DNAI1: variants seen among roughly 807,000 people sequenced by gnomAD.
DNAI1 encodes dynein axonemal intermediate chain 1, also known as dynein, axonemal, intermediate polypeptide 1.
Under a neutral mutation model 92.0 loss-of-function variants are expected in DNAI1, and 67 were observed. The observed-to-expected ratio is 0.73, with a 90% CI of 0.60 to 0.89. The LOEUF (loss-of-function observed/expected upper bound fraction) is 0.89, where lower values mean the gene tolerates loss of function less well. DNAI1 is among the 40% of genes least tolerant of loss of function. DNAI1 has a pLI of 0.00. For missense variants in DNAI1, 839 were observed against 866.6 expected, an observed-to-expected ratio of 0.97 and a Z score of 0.40; for synonymous variants, 323 against 319.6, an observed-to-expected ratio of 1.01 and a Z score of -0.11.
At chr9:34,479,651 T>A (rs1588092685) in intron 1 of DNAI1, among the ~76,000 whole-genome samples, 1 of 152,204 alleles carries the variant, frequency 6.6e-6, no homozygotes, top group African/African-American at 2.4e-5. Flanking sequence ...TGTGCTCTAT[T>A]GTGAGCCTGA....
chr9:34,473,723 GGTTA>G (rs1824184126), intron 1 of DNAI1, among the ~76,000 whole-genome samples: 1 of 151,924 alleles, frequency 6.6e-6, no homozygotes. Flanking sequence ...TGCGTGGGTG[GGTTA>G]GTTGGTTGGT....
intron 1 of DNAI1, among the ~76,000 whole-genome samples, chr9:34,467,341 T>A (rs547488178): frequency 6.6e-6 from 1 of 152,214 alleles, no homozygotes; most frequent in South Asian, 2.1e-4. Context: ...CTCATGGCTG[T>A]AATCCTAGCA....
intron 12 of DNAI1, among the ~76,000 whole-genome samples, chr9:34,505,847 T>A (rs1411747108): frequency 6.6e-6 from 1 of 152,204 alleles, no homozygotes; most frequent in African/African-American, 2.4e-5. Flanking sequence ...TCCCCTGAGC[T>A]TGGTGAGGAG....
chr9:34,485,673 A>T (rs1384593589), intron 4 of DNAI1, among the ~76,000 whole-genome samples, 156 bp downstream of exon 4: 1 of 152,158 alleles, frequency 6.6e-6, no homozygotes, highest in Non-Finnish European at 1.5e-5. Flanking sequence ...GGAGTTTTCT[A>T]GAAGTTTTTG....
At chr9:34,460,263 C>G (rs1043197480) in intron 1 of DNAI1, among the ~76,000 whole-genome samples, 12 of 152,184 alleles carry the variant, frequency 7.9e-5, no homozygotes, top group African/African-American at 2.9e-4. Context: ...CTCAGTCCTT[C>G]AGGAACTTTT....
Position 34,517,401 on chromosome 9 carries a change from T to A in DNAI1, c.1935T>A (p.Ile645=). 6.2e-7 allele frequency: 1 copy of A among 1,614,174 alleles called. No homozygotes were observed. Among genetic ancestry groups the A allele is most frequent in the South Asian group, 1.1e-5 (1 of 91,082 alleles). ...VQFNLIHPII[I]VGDDRGHIIS... Reference sequence around the variant, plus strand: ...TCAATCTCATCCACCCCATCATCATTGTGGGCGATGACCGTGGGCACATCA... The same window carrying A: ...TCAATCTCATCCACCCCATCATCATAGTGGGCGATGACCGTGGGCACATCA... Residue 645 remains isoleucine (I), a synonymous_variant, in exon 19 of 20, where the codon ATT becomes ATA. Coordinates refer to ENST00000242317, the MANE Select transcript of DNAI1 (RefSeq NM_012144.4).
chr9:34,511,182 C>T (rs1825058558), intron 13 of DNAI1, among the ~76,000 whole-genome samples: 1 of 152,200 alleles, frequency 6.6e-6, no homozygotes, highest in Non-Finnish European at 1.5e-5. Flanking sequence ...GGGCACCCAG[C>T]CCCACCCCAG....
intron 2 of DNAI1, among the ~76,000 whole-genome samples, chr9:34,483,704 T>C (rs771999586): frequency 6.6e-6 from 1 of 152,188 alleles, no homozygotes; most frequent in Non-Finnish European, 1.5e-5. Context: ...TTATTTTTCT[T>C]TGGAGGAATA....
At chr9:34,508,492 G>C (rs1824986655) in intron 13 of DNAI1, among the ~76,000 whole-genome samples, 1 of 152,162 alleles carries the variant, frequency 6.6e-6, no homozygotes, top group Non-Finnish European at 1.5e-5. Flanking sequence ...GACACATGTA[G>C]GTCTCCAGGC....
chr9:34,483,290 T>C (rs886268807), intron 1 of DNAI1, among the ~76,000 whole-genome samples, 158 bp from the exon 2 acceptor site: 1 of 152,068 alleles, frequency 6.6e-6, no homozygotes, highest in African/African-American at 2.4e-5. Context: ...GCAGGGGAGG[T>C]GCCGAGAGCA....
chr9:34,496,197 G>T (rs1801199915), intron 9 of DNAI1, among the ~76,000 whole-genome samples: 1 of 152,218 alleles, frequency 6.6e-6, no homozygotes, highest in Admixed American at 6.5e-5. Flanking sequence ...TTGCCACCGG[G>T]TTCTAATTTT....
chr9:34,490,621 C>T, intron 7 of DNAI1, 133 bp downstream of exon 7: 1 of 1,300,544 alleles, frequency 7.7e-7, no homozygotes, highest in Non-Finnish European at 1.1e-6. Flanking sequence ...CAGCTTATCT[C>T]CCCAAGGAGA....
In DNAI1 at chr9:34,506,658, G is replaced by A. The variant is rs749181536; in HGVS notation, c.1095G>A (p.Leu365=). 10 of 1,614,210 alleles carry A rather than the reference G, an allele frequency of 6.2e-6. No individual in the cohort carries two copies. Among genetic ancestry groups the A allele is most frequent in the Non-Finnish European group, 8.5e-6 (10 of 1,180,048 alleles). The change falls in exon 13 of 20, where the codon CTG becomes CTA. Residue 365 remains leucine, a synonymous_variant. Coordinates refer to ENST00000242317, the MANE Select transcript of DNAI1 (RefSeq NM_012144.4). ...TCATGAAGCAGAGCCGGGGCATGCTGCTGCTCTACAGCCTGAAGAACCCCA... is the reference window on the plus strand; with the variant it reads ...TCATGAAGCAGAGCCGGGGCATGCTACTGCTCTACAGCCTGAAGAACCCCA... ...YDFMKQSRGM[L]LLYSLKNPSF...
intron 18 of DNAI1, among the ~76,000 whole-genome samples, chr9:34,516,558 C>T (rs1825173375): frequency 6.6e-6 from 1 of 152,082 alleles, no homozygotes; most frequent in Admixed American, 6.5e-5. Context: ...GGCTCTGCCA[C>T]TTACTAGCAG....
chr9:34,512,210 C>T lies in DNAI1; in HGVS notation c.1401+12C>T, dbSNP rs375860857. ...GGACTCTCGTGAAGGTGCCTATTTC[C>T]CAGAGAGGGTCACACTGGGGTGATT... On this transcript the variant is annotated intron_variant, in intron 14 of 19. Coordinates refer to ENST00000242317, the MANE Select transcript of DNAI1 (RefSeq NM_012144.4). The T allele has an allele frequency of 1.9e-6, 3 of 1,613,810 alleles. No homozygotes were observed. In the African/African-American group the frequency reaches 4.0e-5, roughly 22 times the overall value.
chr9:34,497,439 C>T (rs759342657), intron 10 of DNAI1, among the ~76,000 whole-genome samples: 8 of 152,216 alleles, frequency 5.3e-5, no homozygotes, highest in Non-Finnish European at 1.0e-4. Context: ...AGAATACCTG[C>T]ACATGGGTGA....
intron 13 of DNAI1, among the ~76,000 whole-genome samples, chr9:34,507,849 G>C (rs957236441): frequency 4.6e-5 from 7 of 152,136 alleles, no homozygotes; most frequent in African/African-American, 1.7e-4. Flanking sequence ...TACCTAGAGT[G>C]GTGGGTGGGG....
intron 9 of DNAI1, among the ~76,000 whole-genome samples, chr9:34,496,202 A>G (rs1437556237): frequency 6.6e-6 from 1 of 152,178 alleles, no homozygotes; most frequent in Non-Finnish European, 1.5e-5. Flanking sequence ...ACCGGGTTCT[A>G]ATTTTGGTGG....
In DNAI1 at chr9:34,484,370, C is replaced by T. The variant is rs1399386047; in HGVS notation, c.82-772C>T. The stretch of plus-strand genomic sequence containing the variant: ...TAAAAGAGTATAAACAGTTATTAGG[C>T]TTTGATAAATATTTTCCAATTGATT... On this transcript the variant is annotated intron_variant, in intron 2 of 19. Coordinates refer to ENST00000242317, the MANE Select transcript of DNAI1 (RefSeq NM_012144.4). 3.3e-5 allele frequency among the ~76,000 whole-genome samples: 5 copies of T among 152,230 alleles called. No individual in the cohort carries two copies. The East Asian group carries it at 5.8e-4, about 18-fold the overall frequency.
Sources: gnomAD v4.1 joint callset for allele counts (sites outside exome capture counted in the v4.1 genomes callset) on GRCh38, gnomAD v4.1.1 for gene constraint, MANE v1.5 for transcripts, NCBI Gene and HGNC (gene_info 2026-07-23, HGNC 2026-07-21) for gene names.